PRDM8: variants seen among roughly 807,000 people sequenced by gnomAD.
PRDM8 encodes PR domain zinc finger protein 8.
PRDM8 carries 13 observed loss-of-function variants against 46.5 expected under a neutral mutation model. The ratio of observed to expected loss-of-function variants is 0.28; its 90% CI spans 0.18 to 0.44. The LOEUF is 0.44. PRDM8 is among the 20% of genes least tolerant of loss of function. The pLI, the probability that PRDM8 is intolerant of heterozygous loss-of-function variation, is 1.00. For missense variants in PRDM8, 998 were observed against 955.0 expected (o/e 1.04, Z -0.59); for synonymous variants, 473 against 438.4 (o/e 1.08, Z -0.98).
In PRDM8 at chr4:80,201,221, T is replaced by C; in HGVS notation, c.220-69T>C. 1.4e-5 allele frequency: 19 copies of C among 1,381,394 alleles called. 1 individual carries two copies. The South Asian group carries it at 2.3e-4, about 17-fold the overall frequency. The allele number at this position is 1,381,394 out of a possible 1,614,324, so 85.6% of individuals were successfully genotyped here. On this transcript the variant is annotated intron_variant, in intron 2 of 3. Transcript: ENST00000415738. ...GAAGAAATGGTCTTGATTCTTCTGATTTCATTCCCTCATGAGGGTCCCTCT... is the reference window on the plus strand; with the variant it reads ...GAAGAAATGGTCTTGATTCTTCTGACTTCATTCCCTCATGAGGGTCCCTCT...
chr4:80,189,064 C>T (rs1481712391), intron 1 of PRDM8, among the ~76,000 whole-genome samples: 1 of 152,204 alleles, frequency 6.6e-6, no homozygotes, highest in African/African-American at 2.4e-5. Context: ...ATCTGAGCCA[C>T]AGCCCTTCAC....
chr4:80,187,203 C>T (rs72656525), intron 1 of PRDM8, among the ~76,000 whole-genome samples: 10,631 of 147,278 alleles, frequency 0.072, 415 homozygotes, highest in Admixed American at 0.085. Context: ...CAGAAGTTTA[C>T]GAAATACCCC....
chr4:80,202,331 G>A lies in PRDM8; in HGVS notation c.869G>A (p.Gly290Asp). ...AGCCTCAGCAGCGGTAGCGGCAGCG[G>A]CGGCGGCGGCGGCCACCAGGAGGCG... ...AQSLSSGSGS[G>D]GGGGHQEAEL... Residue 290 changes from glycine (G) to aspartate (D), a missense_variant, in exon 4 of 4, where the codon GGC (glycine) becomes GAC (aspartate). Coordinates refer to ENST00000415738, the MANE Select transcript of PRDM8 (RefSeq NM_001099403.2). The A allele has an allele frequency of 6.2e-7, 1 of 1,605,946 alleles. No individual in the cohort carries two copies. Among genetic ancestry groups the A allele is most frequent in the Middle Eastern group, 1.7e-4 (1 of 6,008 alleles).
rs755772235 is a variant in PRDM8, at chr4:80,202,016, C to T, written c.554C>T (p.Ala185Val). The change falls in exon 4 of 4, where the codon GCT (alanine) becomes GTT (valine). Residue 185 changes from alanine (A) to valine (V), a missense_variant. Ala to Val is a moderately conservative substitution (Grantham distance 64). Transcript: ENST00000415738. ...RFRCPKRLHS[A>V]DISPQDEQGG... ...CGCTGCCCCAAGAGACTTCACAGCG[C>T]TGATATAAGTCCCCAAGACGAACAA... is the stretch of plus-strand genomic sequence containing the variant. 3.1e-6 allele frequency: 5 copies of T among 1,614,170 alleles called. 1 individual carries two copies. The highest frequency in any genetic ancestry group is 1.6e-4 in the Middle Eastern group (1 of 6,062).
chr4:80,188,223 C>T (rs1368224453), intron 1 of PRDM8, among the ~76,000 whole-genome samples: 1 of 152,164 alleles, frequency 6.6e-6, no homozygotes. Flanking sequence ...TCTATTTACC[C>T]AGCATTCCAA....
chr4:80,194,783 G>A (rs1737817274), upstream of PRDM8, among the ~76,000 whole-genome samples: 1 of 152,166 alleles, frequency 6.6e-6, no homozygotes, highest in Non-Finnish European at 1.5e-5. Context: ...AAGTGAAACT[G>A]AAATGAAGCA....
chr4:80,186,648 G>C (rs1418293976), intron 1 of PRDM8, among the ~76,000 whole-genome samples: 1 of 152,122 alleles, frequency 6.6e-6, no homozygotes, highest in Non-Finnish European at 1.5e-5. Context: ...CTACACCCTG[G>C]CCTCTTTAGC....
chr4:80,192,548 A>G (rs1737631637), upstream of PRDM8, among the ~76,000 whole-genome samples: 1 of 152,200 alleles, frequency 6.6e-6, no homozygotes, highest in Non-Finnish European at 1.5e-5. Context: ...GGAGGTTCAG[A>G]GTGACTGATG....
rs930960631 is a variant in PRDM8, at chr4:80,197,702, G to C, written c.-64G>C. 1 of 982,766 alleles carries C rather than the reference G, an allele frequency of 1.0e-6. No individual in the cohort carries two copies. The highest frequency in any genetic ancestry group is 6.2e-5 in the Admixed American group (1 of 16,258). 60.9% of individuals were successfully genotyped at this position (982,766 alleles called of 1,614,324 possible). ...ATACAATAGGCAAAAGGAAACACTC[G>C]ATTGCATCTTCCCGGTTCCAGGTGG... On this transcript the variant is annotated 5_prime_UTR_variant, in exon 1 of 4. Transcript: ENST00000415738.
chr4:80,187,001 C>T (rs1309317315), intron 1 of PRDM8, among the ~76,000 whole-genome samples: 1 of 152,124 alleles, frequency 6.6e-6, no homozygotes, highest in Non-Finnish European at 1.5e-5. Context: ...TGGAAAAGGA[C>T]TTTATCATGC....
At chr4:80,195,795 C>T (rs1737898045), upstream of PRDM8, among the ~76,000 whole-genome samples, 1 of 152,040 alleles carries the variant, frequency 6.6e-6, no homozygotes, top group Non-Finnish European at 1.5e-5. Context: ...TCCCCATTTT[C>T]TCTGAATATA....
chr4:80,186,828 T>C (rs1396690841), intron 1 of PRDM8, among the ~76,000 whole-genome samples: 3 of 152,192 alleles, frequency 2.0e-5, no homozygotes, highest in East Asian at 1.9e-4. Flanking sequence ...TAGATACAGA[T>C]ACACAAGGAA....
At chr4:80,199,765 C>T (rs1449554584) in intron 1 of PRDM8, among the ~76,000 whole-genome samples, 7 of 127,470 alleles carry the variant, frequency 5.5e-5, no homozygotes, top group Admixed American at 8.1e-5. Flanking sequence ...CTGCCTGGAA[C>T]TTCACCTCTA....
rs111919210 is a variant in PRDM8 at position 80,186,855 on chromosome 4, G to C, written c.-983+1337G>C. ...CACAAGGAAAACCAAAGCTATTCAG[G>C]CTCCTCATTTGTCCAGCAGCCTAAC... On this transcript the variant is annotated intron_variant, in intron 1 of 9. Coordinates refer to the PRDM8 transcript ENST00000339711. Among the ~76,000 whole-genome samples the C allele has an allele frequency of 7.9e-5, 12 of 152,234 alleles. 1 individual carries two copies. The highest frequency in any genetic ancestry group is 2.9e-4 in the African/African-American group (12 of 41,524).
chr4:80,197,476 CA>C, upstream of PRDM8: 1 of 985,868 alleles, frequency 1.0e-6, no homozygotes, highest in Non-Finnish European at 1.2e-6. Context: ...GTGCAGCAAA[CA>C]AAAAGTGTGT....
At chr4:80,197,136 C>T (rs1004757161), upstream of PRDM8, 1 of 985,394 alleles carries the variant, frequency 1.0e-6, no homozygotes. Context: ...ACGGGGTCCG[C>T]ACGCGCTGGG....
At position 80,203,118 on chromosome 4, in the gene PRDM8, C is replaced by G. The variant is rs950162367; in HGVS notation, c.1656C>G (p.Ala552=). Residue 552 remains alanine (A), a synonymous_variant, in exon 4 of 4, where the codon GCC becomes GCG. Coordinates refer to ENST00000415738, the MANE Select transcript of PRDM8 (RefSeq NM_001099403.2). ...CTCTAGCGGTGAAGCTCCAGGGGGCCGCGGACCTGAACGGAGGTTGCGGGT... is the reference window on the plus strand; with the variant it reads ...CTCTAGCGGTGAAGCTCCAGGGGGCGGCGGACCTGAACGGAGGTTGCGGGT... ...ADPLAVKLQG[A]ADLNGGCGSL... 6.4e-7 allele frequency: 1 copy of G among 1,567,858 alleles called. No homozygotes were observed. The highest frequency in any genetic ancestry group is 1.4e-5 in the African/African-American group (1 of 73,162).
In PRDM8 at chr4:80,201,439, C is replaced by T. The variant is rs754992126; in HGVS notation, c.369C>T (p.Asp123=). 4 of 1,614,100 alleles carry T rather than the reference C, an allele frequency of 2.5e-6. No homozygotes were observed. The highest frequency in any genetic ancestry group is 2.7e-5 in the African/African-American group (2 of 74,932). ...GCTCTCTCCGCAGGATTGCCAAAGA[C>T]GAGGAGTTACTAGTTTGGTACGGGA... ...FYRSLRRIAK[D]EELLVWYGKE... The change falls in exon 3 of 4, where the codon GAC becomes GAT. Residue 123 remains aspartate (D), a synonymous_variant. Coordinates refer to ENST00000415738, the MANE Select transcript of PRDM8 (RefSeq NM_001099403.2).
chr4:80,187,158 A>T (rs989642192), intron 1 of PRDM8, among the ~76,000 whole-genome samples: 6 of 151,060 alleles, frequency 4.0e-5, no homozygotes, highest in Non-Finnish European at 7.4e-5. Context: ...CTTTTTGCTA[A>T]CAGCACCTTT....
Sources: gnomAD v4.1 joint callset for allele counts (sites outside exome capture counted in the v4.1 genomes callset) on GRCh38, gnomAD v4.1.1 for gene constraint, MANE v1.5 for transcripts, NCBI Gene and HGNC (gene_info 2026-07-23, HGNC 2026-07-21) for gene names.